ASCC3: variants seen among roughly 807,000 people sequenced by gnomAD.
The protein encoded by ASCC3 is activating signal cointegrator 1 complex subunit 3, also known as ASC-1 complex subunit P200.
ASCC3 carries 158 observed loss-of-function variants against 256.3 expected under a neutral mutation model. The ratio of observed to expected loss-of-function variants is 0.62; its 90% CI spans 0.54 to 0.70. The LOEUF (loss-of-function observed/expected upper bound fraction) is 0.70. ASCC3 is among the 30% of genes least tolerant of loss of function. The pLI, the probability that ASCC3 is intolerant of heterozygous loss-of-function variation, is 0.00. For missense variants in ASCC3, 2,259 were observed against 2,626.0 expected (o/e 0.86, Z 3.05); for synonymous variants, 948 against 883.4 (o/e 1.07, Z -1.30).
At chr6:100,619,391 AT>A (rs544015037) in intron 30 of ASCC3, among the ~76,000 whole-genome samples, 8 of 152,150 alleles carry the variant, frequency 5.3e-5, no homozygotes, top group Admixed American at 5.2e-4. Flanking sequence ...AAATTGGGCT[AT>A]TTTTTTATAA....
At chr6:100,644,300 T>C (rs895683069) in intron 22 of ASCC3, among the ~76,000 whole-genome samples, 171 bp from the exon 23 acceptor site, 1 of 152,200 alleles carries the variant, frequency 6.6e-6, no homozygotes, top group East Asian at 1.9e-4. Flanking sequence ...TCCAAAGTTG[T>C]ACAACCATCA....
At chr6:100,659,743 T>C (rs186176200) in intron 16 of ASCC3, among the ~76,000 whole-genome samples, 1 of 151,534 alleles carries the variant, frequency 6.6e-6, no homozygotes, top group Non-Finnish European at 1.5e-5. Context: ...TTGTGTTTAT[T>C]TTACCAATTA....
chr6:100,631,292 T>A lies in ASCC3; in HGVS notation c.4123-79A>T, dbSNP rs1028779864. On this transcript the variant is annotated intron_variant, in intron 25 of 41. Coordinates refer to ENST00000369162, the MANE Select transcript of ASCC3 (RefSeq NM_006828.4). Reference sequence around the variant, plus strand: ...TGAAATAAAAGTAAACTCCAAAAAATTTGTCAAAATATGACAGTGTGGTTT... The same window carrying A: ...TGAAATAAAAGTAAACTCCAAAAAAATTGTCAAAATATGACAGTGTGGTTT... The A allele has an allele frequency of 1.6e-5, 18 of 1,149,392 alleles. No individual in the cohort carries two copies. The African/African-American group carries it at 2.6e-4, about 17-fold the overall frequency. 71.2% of individuals were successfully genotyped at this position (1,149,392 alleles called of 1,614,324 possible). A position where few individuals can be genotyped will look rare whatever the true frequency, so the allele number is the denominator to read the frequency against.
intron 1 of ASCC3, among the ~76,000 whole-genome samples, chr6:100,875,852 A>C (rs185942935): frequency 2.0e-4 from 29 of 147,910 alleles, no homozygotes; most frequent in Non-Finnish European, 3.7e-4. Context: ...AAGGGAGAAA[A>C]TAGGGAAAAA....
rs139515198 is a variant in ASCC3, at chr6:100,758,351, C to T, written c.1737+8214G>A. On this transcript the variant is annotated intron_variant, in intron 10 of 41. Transcript: ENST00000369162. ...GGTTTCCTGCACCTATTGACCCATC[C>T]TCTAAGTTCCCTCCCCTCACCCCCC... Among the ~76,000 whole-genome samples the T allele has an allele frequency of 7.6e-3, 1,153 of 152,160 alleles. 18 individuals are homozygous for T. The highest frequency in any genetic ancestry group is 0.027 in the African/African-American group (1,104 of 41,526).
intron 37 of ASCC3, 134 bp downstream of exon 37, chr6:100,540,029 T>C (rs1437658845): frequency 2.5e-6 from 2 of 813,752 alleles, no homozygotes; most frequent in Admixed American, 2.0e-5. Flanking sequence ...ATTCTTGATA[T>C]GATCAACCAG....
intron 36 of ASCC3, among the ~76,000 whole-genome samples, chr6:100,564,658 T>A (rs73500955): frequency 7.9e-4 from 120 of 152,316 alleles, no homozygotes; most frequent in African/African-American, 2.8e-3. Context: ...AATCATATCT[T>A]AATTATCATG....
intron 40 of ASCC3, 166 bp from the exon 41 acceptor site, chr6:100,510,273 G>T: frequency 1.4e-6 from 1 of 693,442 alleles, no homozygotes. Context: ...TGGTGTCTTT[G>T]ATATGCAATT....
chr6:100,591,153 T>G (rs1299364674), intron 34 of ASCC3, among the ~76,000 whole-genome samples: 2 of 152,146 alleles, frequency 1.3e-5, no homozygotes, highest in African/African-American at 4.8e-5. Flanking sequence ...GTACTGAACC[T>G]AGTGCTGTCA....
At chr6:100,549,722 T>TA (rs199535711) in intron 36 of ASCC3, among the ~76,000 whole-genome samples, 3 of 149,474 alleles carry the variant, frequency 2.0e-5, no homozygotes, top group African/African-American at 4.9e-5. Flanking sequence ...CTCAGAAATC[T>TA]AAAAAAAAAA....
chr6:100,702,554 T>A (rs925722293), intron 13 of ASCC3, among the ~76,000 whole-genome samples: 1 of 152,122 alleles, frequency 6.6e-6, no homozygotes, highest in South Asian at 2.1e-4. Context: ...ATAAAGGTCA[T>A]AATTGGGATG....
At chr6:100,878,444 C>T (rs1356696396) in intron 1 of ASCC3, among the ~76,000 whole-genome samples, 2 of 152,048 alleles carry the variant, frequency 1.3e-5, no homozygotes, top group African/African-American at 4.8e-5. Flanking sequence ...GTAAGGAAGG[C>T]TTTTCCTTTA....
At chr6:100,677,017 A>C (rs1332750366) in intron 14 of ASCC3, among the ~76,000 whole-genome samples, 1 of 152,122 alleles carries the variant, frequency 6.6e-6, no homozygotes. Context: ...CTTCTAATTA[A>C]ATTTTAATGT....
chr6:100,603,173 G>A (rs964805101), intron 33 of ASCC3, among the ~76,000 whole-genome samples: 2 of 151,292 alleles, frequency 1.3e-5, no homozygotes, highest in African/African-American at 4.9e-5. Context: ...ATAGAGAAAT[G>A]AATAAATAAA....
At chr6:100,781,487 GA>G (rs1400270644) in intron 8 of ASCC3, among the ~76,000 whole-genome samples, 1 of 151,634 alleles carries the variant, frequency 6.6e-6, no homozygotes, top group African/African-American at 2.4e-5. Flanking sequence ...GGGTTCAAGC[GA>G]TTCTCCTGCC....
chr6:100,812,799 G>A (rs765537562), intron 4 of ASCC3, among the ~76,000 whole-genome samples: 11 of 151,818 alleles, frequency 7.2e-5, no homozygotes, highest in East Asian at 1.9e-4. Context: ...GTGTGGTGGT[G>A]CATGCCTGTA....
At chr6:100,594,354 G>A (rs1050927939) in intron 34 of ASCC3, among the ~76,000 whole-genome samples, 2 of 151,992 alleles carry the variant, frequency 1.3e-5, no homozygotes, top group African/African-American at 4.8e-5. Context: ...TAAGGAAAAA[G>A]TAAAACTATA....
chr6:100,793,981 T>C (rs1400768378), intron 8 of ASCC3, among the ~76,000 whole-genome samples: 3 of 152,076 alleles, frequency 2.0e-5, no homozygotes, highest in African/African-American at 7.2e-5. Context: ...TCATTCTAAA[T>C]TCTTCTCTCT....
chr6:100,610,267 T>C (rs796635870), intron 30 of ASCC3, among the ~76,000 whole-genome samples: 10 of 152,344 alleles, frequency 6.6e-5, no homozygotes, highest in African/African-American at 2.4e-4. Flanking sequence ...GCTTGCAATA[T>C]ACTTAGTAGC....
Sources: gnomAD v4.1 joint callset for allele counts (sites outside exome capture counted in the v4.1 genomes callset) on GRCh38, gnomAD v4.1.1 for gene constraint, MANE v1.5 for transcripts, NCBI Gene and HGNC (gene_info 2026-07-23, HGNC 2026-07-21) for gene names.